The following NRG1 variants were observed in gnomAD, a reference collection of about 807,000 sequenced individuals.
NRG1 encodes the protein neuregulin 1.
Under a neutral mutation model 63.8 loss-of-function variants are expected in NRG1, and 18 were observed. That is an observed-to-expected ratio of 0.28 (90% CI 0.19 to 0.42). The LOEUF (loss-of-function observed/expected upper bound fraction) is 0.42, where lower values mean the gene tolerates loss of function less well. Ranked by LOEUF, NRG1 falls within the 10% of genes least tolerant of loss-of-function variation. NRG1 has a pLI of 1.00. For missense variants in NRG1, 762 were observed against 814.7 expected (o/e 0.94, Z 0.79); for synonymous variants, 302 against 301.3 (o/e 1.00, Z -0.02).
At chr8:32,470,864 G>C (rs1210558854) in intron 1 of NRG1, among the ~76,000 whole-genome samples, 2 of 151,808 alleles carry the variant, frequency 1.3e-5, no homozygotes, top group Non-Finnish European at 2.9e-5. Context: ...GTGGCATGAT[G>C]ATGGCTCACT....
At chr8:32,073,228 A>G (rs577748078) in intron 1 of NRG1, among the ~76,000 whole-genome samples, 1 of 152,302 alleles carries the variant, frequency 6.6e-6, no homozygotes, top group Admixed American at 6.5e-5. Flanking sequence ...AGCTTGAGGC[A>G]GAAGATAGCT....
intron 5 of NRG1, among the ~76,000 whole-genome samples, chr8:32,719,327 G>A (rs2919375): frequency 0.77 from 116,251 of 151,880 alleles, 44,922 homozygotes; most frequent in African/African-American, 0.84. Flanking sequence ...GAAAATACAA[G>A]GGATTGTGTA....
intron 1 of NRG1, among the ~76,000 whole-genome samples, chr8:31,851,765 C>T (rs1319900407): frequency 8.2e-6 from 1 of 121,786 alleles, no homozygotes; most frequent in South Asian, 3.2e-4. Flanking sequence ...CCCCTCCCCC[C>T]ACCCCACAAC....
At chr8:32,619,532 C>T (rs984841405) in intron 5 of NRG1, among the ~76,000 whole-genome samples, 15 of 152,130 alleles carry the variant, frequency 9.9e-5, no homozygotes, top group Admixed American at 8.5e-4. Context: ...AGTTAGGTGG[C>T]TTTTGCTGAG....
At chr8:31,841,440 G>GC (rs1248006901) in intron 1 of NRG1, among the ~76,000 whole-genome samples, 2 of 152,092 alleles carry the variant, frequency 1.3e-5, no homozygotes, top group African/African-American at 4.8e-5. Flanking sequence ...GCCGTGAACA[G>GC]CATTTGTACC....
At chr8:32,425,048 T>G (rs1817179429) in intron 1 of NRG1, among the ~76,000 whole-genome samples, 2 of 152,224 alleles carry the variant, frequency 1.3e-5, no homozygotes, top group African/African-American at 4.8e-5. Context: ...TTGTTTTAAG[T>G]CCTTTGCATA....
intron 1 of NRG1, among the ~76,000 whole-genome samples, chr8:32,254,223 T>A (rs1348057963): frequency 6.6e-6 from 1 of 152,184 alleles, no homozygotes; most frequent in African/African-American, 2.4e-5. Context: ...ATTTCTTGCC[T>A]TCTGCTAGCT....
At chr8:31,788,195 TAAAG>T (rs933745779) in intron 1 of NRG1, among the ~76,000 whole-genome samples, 1 of 152,100 alleles carries the variant, frequency 6.6e-6, no homozygotes, top group African/African-American at 2.4e-5. Context: ...AAAATTAAGA[TAAAG>T]AAAAAAACCC....
chr8:31,667,641 A>G (rs1445528858), intron 1 of NRG1, among the ~76,000 whole-genome samples: 3 of 152,178 alleles, frequency 2.0e-5, no homozygotes, highest in Non-Finnish European at 4.4e-5. Context: ...GTGAGGCTGC[A>G]GAAGGCCCCA....
chr8:32,532,140 G>A (rs1168493828), intron 1 of NRG1, among the ~76,000 whole-genome samples: 5 of 152,134 alleles, frequency 3.3e-5, no homozygotes, highest in African/African-American at 1.2e-4. Flanking sequence ...TAGTGTGCCA[G>A]TAACTCACCC....
At chr8:32,700,787 G>T (rs930218683) in intron 5 of NRG1, among the ~76,000 whole-genome samples, 3 of 152,196 alleles carry the variant, frequency 2.0e-5, no homozygotes, top group Non-Finnish European at 2.9e-5. Flanking sequence ...TACATTTTAA[G>T]ATAAGCAAGT....
At chr8:32,734,121 G>A (rs76412623) in intron 6 of NRG1, among the ~76,000 whole-genome samples, 2,845 of 152,292 alleles carry the variant, frequency 0.019, 45 homozygotes, top group Non-Finnish European at 0.029. Context: ...AGATGTTTAG[G>A]GAAGCGAGTC....
intron 1 of NRG1, among the ~76,000 whole-genome samples, chr8:32,160,053 C>A (rs1052954220): frequency 1.3e-5 from 2 of 152,106 alleles, no homozygotes; most frequent in Non-Finnish European, 2.9e-5. Flanking sequence ...TCTTCCCCTG[C>A]AAGGCACCTT....
chr8:31,838,549 G>A (rs538699420), intron 1 of NRG1, among the ~76,000 whole-genome samples: 1 of 152,096 alleles, frequency 6.6e-6, no homozygotes, highest in African/African-American at 2.4e-5. Context: ...GAAAAGCATT[G>A]AATCTTTCTA....
intron 1 of NRG1, among the ~76,000 whole-genome samples, chr8:32,071,784 G>C (rs1411345243): frequency 6.6e-6 from 1 of 152,094 alleles, no homozygotes; most frequent in African/African-American, 2.4e-5. Context: ...AATAAACCTA[G>C]GTTTGCATCT....
chr8:32,470,494 G>T (rs925624555), intron 1 of NRG1, among the ~76,000 whole-genome samples: 2 of 151,984 alleles, frequency 1.3e-5, no homozygotes, highest in African/African-American at 2.4e-5. Flanking sequence ...GTGAGCCACC[G>T]CGCCCGACCA....
At chr8:32,588,562 A>G (rs979972651) in intron 1 of NRG1, among the ~76,000 whole-genome samples, 2 of 152,150 alleles carry the variant, frequency 1.3e-5, no homozygotes, top group African/African-American at 4.8e-5. Context: ...ACTGCCCCCA[A>G]TTTTATTCTT....
At chr8:32,159,950 A>G (rs1838641718) in intron 1 of NRG1, among the ~76,000 whole-genome samples, 1 of 152,190 alleles carries the variant, frequency 6.6e-6, no homozygotes, top group Admixed American at 6.5e-5. Flanking sequence ...AGCAGAAATT[A>G]TTTTCTCTAT....
At chr8:32,140,009 G>A (rs1836034836) in intron 1 of NRG1, among the ~76,000 whole-genome samples, 1 of 152,158 alleles carries the variant, frequency 6.6e-6, no homozygotes. Flanking sequence ...CACAGATGCA[G>A]TGGAATAGTA....
Sources: gnomAD v4.1 joint callset for allele counts (sites outside exome capture counted in the v4.1 genomes callset) on GRCh38, gnomAD v4.1.1 for gene constraint, MANE v1.5 for transcripts, NCBI Gene and HGNC (gene_info 2026-07-23, HGNC 2026-07-21) for gene names.